TAGLN3: variants seen among roughly 807,000 people sequenced by gnomAD.
The protein encoded by TAGLN3 is transgelin 3.
TAGLN3 carries 12 observed loss-of-function variants against 25.4 expected under a neutral mutation model. That is an observed-to-expected ratio of 0.47 (90% CI 0.30 to 0.77). The LOEUF (loss-of-function observed/expected upper bound fraction) is 0.77, where lower values mean the gene tolerates loss of function less well. Ranked by LOEUF, TAGLN3 falls within the 30% of genes least tolerant of loss-of-function variation. The probability of loss-of-function intolerance (pLI) is 0.06; values close to 1 mark genes in which losing one functional copy is unlikely to be tolerated. For missense variants in TAGLN3, 218 were observed against 255.8 expected, an observed-to-expected ratio of 0.85 and a Z score of 1.01; for synonymous variants, 96 against 94.8, an observed-to-expected ratio of 1.01 and a Z score of -0.08.
At chr3:112,000,706 A>G in intron 2 of TAGLN3, 66 bp from the exon 3 acceptor site, 1 of 1,537,504 alleles carries the variant, frequency 6.5e-7, no homozygotes, top group African/African-American at 1.4e-5. Flanking sequence ...AGCAGGATTC[A>G]CTTCTCATTC....
In TAGLN3 at chr3:111,999,105, A is replaced by T; in HGVS notation, c.-12A>T. On this transcript the variant is annotated 5_prime_UTR_variant, in exon 1 of 5. The change creates a premature stop within an existing upstream ORF in the 5' untranslated region. Transcript: ENST00000478951. ...CATCCCCCTTGCTGCCTGGGGGTTC[A>T]GACTTGATTGTGAGTCCGTGTTATA... The T allele has an allele frequency of 4.9e-6, 1 of 204,678 alleles. No individual in the cohort carries two copies. The highest frequency in any genetic ancestry group is 9.8e-6 in the Non-Finnish European group (1 of 101,958). The allele number at this position is 204,678 out of a possible 1,614,324, so 12.7% of individuals were successfully genotyped here. A position where few individuals can be genotyped will look rare whatever the true frequency, so the allele number is the denominator to read the frequency against.
intron 4 of TAGLN3, among the ~76,000 whole-genome samples, chr3:112,012,205 T>C (rs1399513338): frequency 4.6e-5 from 7 of 151,484 alleles, no homozygotes; most frequent in African/African-American, 1.7e-4. Flanking sequence ...TGAGCTTTCT[T>C]GCCTGCCTGG....
intron 1 of TAGLN3, 145 bp from the exon 2 acceptor site, chr3:111,999,276 T>A (rs1460682796): frequency 1.1e-6 from 1 of 906,062 alleles, no homozygotes; most frequent in East Asian, 2.7e-5. Flanking sequence ...ATTGGCTCCT[T>A]GATTTAAACC....
chr3:112,001,019 C>A, intron 3 of TAGLN3, 73 bp downstream of exon 3: 1 of 1,388,924 alleles, frequency 7.2e-7, no homozygotes, highest in Non-Finnish European at 1.0e-6. Flanking sequence ...AAAAACTGCT[C>A]ACAGTGTTCT....
chr3:112,006,977 G>C (rs1038055460), intron 3 of TAGLN3, among the ~76,000 whole-genome samples: 1 of 152,148 alleles, frequency 6.6e-6, no homozygotes, highest in African/African-American at 2.4e-5. Context: ...TAGGAAATAG[G>C]GAGCTCTGTA....
At chr3:112,001,299 C>A in intron 3 of TAGLN3, among the ~76,000 whole-genome samples, 1 of 152,190 alleles carries the variant, frequency 6.6e-6, no homozygotes, top group East Asian at 1.9e-4. Flanking sequence ...GGCCAGTGTG[C>A]TTCTTGCTCA....
intron 3 of TAGLN3, among the ~76,000 whole-genome samples, chr3:112,008,100 C>G (rs571351552): frequency 1.7e-4 from 26 of 152,150 alleles, no homozygotes; most frequent in South Asian, 4.1e-4. Flanking sequence ...CAGAATTTAC[C>G]AAATCATTCT....
chr3:112,010,314 A>G (rs1299963728), intron 3 of TAGLN3, among the ~76,000 whole-genome samples: 4 of 152,126 alleles, frequency 2.6e-5, no homozygotes, highest in Non-Finnish European at 4.4e-5. Context: ...TGCTCTTTGT[A>G]AACAGTAGAG....
At position 112,004,820 on chromosome 3, in the gene TAGLN3, T is replaced by C. The variant is rs543751665; in HGVS notation, c.355+3874T>C. 2.0e-5 allele frequency among the ~76,000 whole-genome samples: 3 copies of C among 151,410 alleles called. No homozygotes were observed. The South Asian group carries it at 6.3e-4, about 32-fold the overall frequency. The stretch of plus-strand genomic sequence containing the variant: ...GACACTCACTCTGTCTTAGAACAAA[T>C]GGACTTAGTGGCCACATACAGGAGC... On this transcript the variant is annotated intron_variant, in intron 3 of 4. Transcript: ENST00000478951.
At chr3:112,001,969 G>A (rs954795707) in intron 3 of TAGLN3, among the ~76,000 whole-genome samples, 3 of 152,174 alleles carry the variant, frequency 2.0e-5, no homozygotes, top group South Asian at 2.1e-4. Context: ...CTTAATCCTC[G>A]GCGTCATGCA....
At chr3:112,006,214 G>A (rs1419540241) in intron 3 of TAGLN3, among the ~76,000 whole-genome samples, 1 of 152,144 alleles carries the variant, frequency 6.6e-6, no homozygotes, top group African/African-American at 2.4e-5. Flanking sequence ...AGACTGCTAA[G>A]CCCCAACAGC....
In TAGLN3 at chr3:112,000,886, G is replaced by T. The variant is rs776243336; in HGVS notation, c.295G>T (p.Ala99Ser). ...GGAGCAAATCTCCCAGTTCCTAAAA[G>T]CTGCGGAGACCTATGGTGTCAGAAC... is the stretch of plus-strand genomic sequence containing the variant. ...QMEQISQFLK[A>S]AETYGVRTTD... Residue 99 changes from alanine (A) to serine (S), a missense_variant, in exon 3 of 5, where the codon GCT (alanine) becomes TCT (serine). Physicochemically the swap from Ala to Ser is moderately conservative, Grantham distance 99 (BLOSUM62 1). Coordinates refer to ENST00000478951, the MANE Select transcript of TAGLN3 (RefSeq NM_001008272.2). 7 of 1,614,072 alleles carry T rather than the reference G, an allele frequency of 4.3e-6. No individual in the cohort carries two copies. In the East Asian group the frequency reaches 1.3e-4, roughly 31 times the overall value.
intron 3 of TAGLN3, among the ~76,000 whole-genome samples, chr3:112,001,429 A>G (rs760671477): frequency 1.3e-5 from 2 of 152,238 alleles, no homozygotes; most frequent in Non-Finnish European, 2.9e-5. Flanking sequence ...CCAGATATGC[A>G]TTCTGCTCAG....
chr3:111,999,893 T>G (rs183859001), intron 2 of TAGLN3, among the ~76,000 whole-genome samples: 1 of 152,334 alleles, frequency 6.6e-6, no homozygotes, highest in Admixed American at 6.5e-5. Context: ...AGTATGTCCT[T>G]GTAATTTCCC....
rs116557981 is a variant in TAGLN3 at position 112,012,878 on chromosome 3, A to G, written c.459-532A>G. The stretch of plus-strand genomic sequence containing the variant: ...AAAAGGGTATATTCATCTTGGCCCT[A>G]TACAGGGAAAGGGGGAATGGGATTA... On this transcript the variant is annotated intron_variant, in intron 4 of 4. Coordinates refer to ENST00000478951, the MANE Select transcript of TAGLN3 (RefSeq NM_001008272.2). Among the ~76,000 whole-genome samples the G allele has an allele frequency of 8.4e-3, 1,285 of 152,268 alleles. 29 individuals are homozygous for G. Among genetic ancestry groups the G allele is most frequent in the African/African-American group, 0.029 (1,200 of 41,546 alleles).
intron 3 of TAGLN3, among the ~76,000 whole-genome samples, chr3:112,005,713 T>TGAGATGGAGTCTCACTC: frequency 7.5e-6 from 1 of 133,512 alleles, no homozygotes; most frequent in Admixed American, 7.5e-5. Flanking sequence ...TTTTTTTTTT[T>TGAGATGGAGTCTCACTC]TTTTGAGATG....
At chr3:112,009,738 T>C (rs1260230792) in intron 3 of TAGLN3, among the ~76,000 whole-genome samples, 1 of 152,136 alleles carries the variant, frequency 6.6e-6, no homozygotes, top group East Asian at 1.9e-4. Flanking sequence ...ACATCAAATA[T>C]CTTGCTTTGG....
At chr3:112,010,485 T>C (rs905968374) in intron 3 of TAGLN3, among the ~76,000 whole-genome samples, 1 of 152,216 alleles carries the variant, frequency 6.6e-6, no homozygotes, top group Admixed American at 6.5e-5. Flanking sequence ...AGTGTCCCAT[T>C]ATATGGTGAC....
At position 112,013,542 on chromosome 3, in the gene TAGLN3, G is replaced by A; in HGVS notation, c.591G>A (p.Gln197=). The change falls in exon 5 of 5, where the codon CAG becomes CAA. Residue 197 remains glutamine, a synonymous_variant. Transcript: ENST00000478951. ...TGACAGGGTACGGGATGCCCAGGCA[G>A]ATCATGTAGGACGCGGCATCCTGCC... is the stretch of plus-strand genomic sequence containing the variant. ...AGMTGYGMPR[Q]IM 6.2e-7 allele frequency: 1 copy of A among 1,614,188 alleles called. No individual in the cohort carries two copies. The highest frequency in any genetic ancestry group is 8.5e-7 in the Non-Finnish European group (1 of 1,179,992).
Sources: gnomAD v4.1 joint callset for allele counts (sites outside exome capture counted in the v4.1 genomes callset) on GRCh38, gnomAD v4.1.1 for gene constraint, MANE v1.5 for transcripts, NCBI Gene and HGNC (gene_info 2026-07-23, HGNC 2026-07-21) for gene names.